The following CTNNAL1 variants were observed in gnomAD, a reference collection of about 807,000 sequenced individuals.
CTNNAL1 encodes alpha-catulin.
In CTNNAL1, 69 loss-of-function variants were observed where a neutral mutation model predicts 93.6. That is an observed-to-expected ratio of 0.74 (90% CI 0.61 to 0.90). The LOEUF is 0.90. Among genes scored for constraint, CTNNAL1 ranks in the 40% least tolerant of loss-of-function variants. The probability of loss-of-function intolerance (pLI) is 0.00; values close to 1 mark genes in which losing one functional copy is unlikely to be tolerated. For missense variants in CTNNAL1, 836 were observed against 862.0 expected, an observed-to-expected ratio of 0.97 and a Z score of 0.38; for synonymous variants, 286 against 305.4, an observed-to-expected ratio of 0.94 and a Z score of 0.66.
intron 10 of CTNNAL1, among the ~76,000 whole-genome samples, chr9:108,967,189 TAAAAA>T (rs532035495): frequency 6.6e-6 from 1 of 151,976 alleles, no homozygotes; most frequent in Non-Finnish European, 1.5e-5. Context: ...GATAAGGTGA[TAAAAA>T]AAGAAGATAA....
intron 6 of CTNNAL1, among the ~76,000 whole-genome samples, chr9:108,980,975 G>A (rs1024822971): frequency 2.0e-5 from 3 of 152,122 alleles, no homozygotes; most frequent in Non-Finnish European, 4.4e-5. Context: ...TCCCTCCATA[G>A]ATTATACTCT....
At chr9:109,006,996 A>G (rs914623765) in intron 1 of CTNNAL1, among the ~76,000 whole-genome samples, 1 of 152,200 alleles carries the variant, frequency 6.6e-6, no homozygotes. Flanking sequence ...AGGCTGGTGG[A>G]TCACCTGAGG....
chr9:109,011,202 A>G (rs1020770821), intron 1 of CTNNAL1, among the ~76,000 whole-genome samples: 7 of 152,130 alleles, frequency 4.6e-5, no homozygotes. Flanking sequence ...TTAACCGAGT[A>G]TTCTGGCCAT....
intron 14 of CTNNAL1, chr9:108,950,607 G>A (rs371423612): frequency 2.6e-6 from 4 of 1,549,244 alleles, no homozygotes; most frequent in Non-Finnish European, 3.5e-6. Flanking sequence ...TCCTTCTATA[G>A]GAAGGAATCT....
At chr9:108,945,563 G>A (rs2132078218) in intron 15 of CTNNAL1, among the ~76,000 whole-genome samples, 1 of 150,536 alleles carries the variant, frequency 6.6e-6, no homozygotes, top group East Asian at 2.0e-4. Context: ...CCAGGCTCAA[G>A]CGATCCTCCT....
intron 5 of CTNNAL1, among the ~76,000 whole-genome samples, chr9:108,984,031 T>C (rs1831522519): frequency 6.6e-6 from 1 of 152,242 alleles, no homozygotes; most frequent in African/African-American, 2.4e-5. Flanking sequence ...TTCTAGAGCA[T>C]ATGTGCTGGC....
intron 1 of CTNNAL1, among the ~76,000 whole-genome samples, chr9:109,008,961 C>T (rs12238834): frequency 0.019 from 2,475 of 128,406 alleles, 40 homozygotes; most frequent in East Asian, 0.11. Context: ...GTGTTGTGAT[C>T]ACAGCTCACA....
chr9:108,980,333 G>A (rs975840696), intron 6 of CTNNAL1, among the ~76,000 whole-genome samples: 3 of 152,040 alleles, frequency 2.0e-5, no homozygotes, highest in Non-Finnish European at 4.4e-5. Flanking sequence ...TTTCAACCCT[G>A]TAAAACACTA....
At chr9:108,987,703 A>C (rs1048429100) in intron 4 of CTNNAL1, among the ~76,000 whole-genome samples, 2 of 151,972 alleles carry the variant, frequency 1.3e-5, no homozygotes, top group African/African-American at 4.8e-5. Flanking sequence ...CTTTTATTTC[A>C]TTGAGCAGTG....
At chr9:108,971,695 T>G (rs570178710) in intron 9 of CTNNAL1, among the ~76,000 whole-genome samples, 147 of 152,312 alleles carry the variant, frequency 9.7e-4, no homozygotes, top group African/African-American at 3.3e-3. Flanking sequence ...TTAAACCTCT[T>G]TTTCTTTATA....
chr9:108,970,499 A>G lies in CTNNAL1; in HGVS notation c.1348-5T>C. On this transcript the variant is annotated splice_polypyrimidine_tract_variant and splice_region_variant and intron_variant, in intron 9 of 18. Coordinates refer to ENST00000325551, the MANE Select transcript of CTNNAL1 (RefSeq NM_003798.4). ...GTGTCGTAACAATCGACAGGTCTAC[A>G]AGACAATATGTCTACAGTTTAACTT... 6.2e-7 allele frequency: 1 copy of G among 1,608,048 alleles called. No individual in the cohort carries two copies. Among genetic ancestry groups the G allele is most frequent in the Non-Finnish European group, 8.5e-7 (1 of 1,177,492 alleles).
chr9:108,972,242 A>G lies in CTNNAL1; in HGVS notation c.1347+433T>C, dbSNP rs141903037. 4.5e-3 allele frequency among the ~76,000 whole-genome samples: 687 copies of G among 152,204 alleles called. 4 individuals are homozygous for G. The highest frequency in any genetic ancestry group is 6.6e-3 in the Non-Finnish European group (448 of 67,994). On this transcript the variant is annotated intron_variant, in intron 9 of 18. Transcript: ENST00000325551. ...ACCAGCCTTGCTACCACTCGCCCCA[A>G]TTACTGCTCTCTCATGTATGGTTTC...
intron 10 of CTNNAL1, among the ~76,000 whole-genome samples, chr9:108,969,152 C>T (rs899063357): frequency 7.2e-5 from 11 of 151,830 alleles, no homozygotes; most frequent in Non-Finnish European, 1.5e-4. Flanking sequence ...TGCCTGTAAT[C>T]CCAGCTACTC....
intron 8 of CTNNAL1, among the ~76,000 whole-genome samples, chr9:108,974,469 AAT>A (rs1831203611): frequency 6.6e-6 from 1 of 152,204 alleles, no homozygotes; most frequent in South Asian, 2.1e-4. Context: ...TGGAGATTTC[AAT>A]AGACATATCA....
At chr9:108,963,926 G>A (rs1218601706) in intron 11 of CTNNAL1, among the ~76,000 whole-genome samples, 4 of 152,154 alleles carry the variant, frequency 2.6e-5, no homozygotes, top group Non-Finnish European at 2.9e-5. Context: ...CCGGAGCAGG[G>A]AAAAGCTTGC....
At chr9:108,966,714 T>A (rs1487634611) in intron 10 of CTNNAL1, among the ~76,000 whole-genome samples, 1 of 123,072 alleles carries the variant, frequency 8.1e-6, no homozygotes, top group Non-Finnish European at 1.7e-5. Context: ...TAGTGTTAGC[T>A]ACTACATGAA....
chr9:108,969,654 G>A (rs1414917756), intron 10 of CTNNAL1, among the ~76,000 whole-genome samples: 1 of 151,730 alleles, frequency 6.6e-6, no homozygotes, highest in Admixed American at 6.6e-5. Flanking sequence ...CTTCTGATTG[G>A]ATCTTTTTTT....
intron 1 of CTNNAL1, among the ~76,000 whole-genome samples, chr9:109,011,908 A>G (rs1827215237): frequency 6.6e-6 from 1 of 152,266 alleles, no homozygotes; most frequent in Non-Finnish European, 1.5e-5. Flanking sequence ...AATACTATCA[A>G]CTTGAACTCC....
At chr9:108,985,294 A>C (rs1168157273) in intron 4 of CTNNAL1, among the ~76,000 whole-genome samples, 2 of 152,256 alleles carry the variant, frequency 1.3e-5, no homozygotes, top group African/African-American at 2.4e-5. Flanking sequence ...GAGACAATAC[A>C]CAAATAAATA....
Sources: allele counts gnomAD v4.1 joint callset (sites outside exome capture counted in the v4.1 genomes callset), GRCh38; gene constraint gnomAD v4.1.1; transcripts MANE v1.5; gene names NCBI Gene and HGNC (gene_info 2026-07-23, HGNC 2026-07-21).